Variants in MTTP observed in about 807,000 individuals in gnomAD.
MTTP encodes microsomal triglyceride transfer protein large subunit.
In MTTP, 49 loss-of-function variants were observed where a neutral mutation model predicts 90.6. The ratio of observed to expected loss-of-function variants is 0.54; its 90% CI spans 0.43 to 0.69. The LOEUF is 0.69. MTTP is among the 30% of genes least tolerant of loss of function. The probability of loss-of-function intolerance (pLI) is 0.00; values close to 1 mark genes in which losing one functional copy is unlikely to be tolerated. For missense variants in MTTP, 945 were observed against 1,067.5 expected (o/e 0.89, Z 1.60); for synonymous variants, 347 against 384.2 (o/e 0.90, Z 1.13).
Position 99,606,886 on chromosome 4 carries a change from G to A in MTTP, c.1483G>A (p.Ala495Thr). Reference protein sequence around the residue: ...GIPSLLKYAEAGEGPISHLAT... With the variant: ...GIPSLLKYAETGEGPISHLAT... ...CCCAAGTCTTCTGAAGTATGCAGAAGCAGGAGAAGGGCCCATCAGCCACCT... is the reference window on the plus strand; with the variant it reads ...CCCAAGTCTTCTGAAGTATGCAGAAACAGGAGAAGGGCCCATCAGCCACCT... Residue 495 changes from alanine (A) to threonine (T), a missense_variant, in exon 11 of 18, where the codon GCA (alanine) becomes ACA (threonine). Transcript: ENST00000265517. 6.2e-7 allele frequency: 1 copy of A among 1,613,974 alleles called. No individual in the cohort carries two copies. The highest frequency in any genetic ancestry group is 8.5e-7 in the Non-Finnish European group (1 of 1,179,976).
chr4:99,564,647 A>G (rs1342470372), intron 1 of MTTP, among the ~76,000 whole-genome samples: 1 of 152,216 alleles, frequency 6.6e-6, no homozygotes, highest in Non-Finnish European at 1.5e-5. Flanking sequence ...GAAATGAAAT[A>G]CAACCCCGTA....
rs746679400 is a variant in MTTP at position 99,591,737 on chromosome 4, A to T, written c.705A>T (p.Thr235=). ...SFVIAVLAEE[T]HNFGLNFLQT... ...TTATAGCTGTGCTTGCTGAAGAAAC[A>T]CACAATTTTGGACTGAATTTCCTAC... Residue 235 remains threonine, a synonymous_variant, in exon 6 of 18, where the codon ACA becomes ACT. Transcript: ENST00000265517. 8 of 1,613,314 alleles carry T rather than the reference A, an allele frequency of 5.0e-6. No homozygotes were observed. In the East Asian group the frequency reaches 1.8e-4, roughly 36 times the overall value.
At chr4:99,576,315 G>A (rs1425907293) in intron 1 of MTTP, among the ~76,000 whole-genome samples, 1 of 152,190 alleles carries the variant, frequency 6.6e-6, no homozygotes, top group East Asian at 1.9e-4. Context: ...AAAAATAATT[G>A]AGACATGGTA....
chr4:99,575,019 T>G (rs780303121), intron 1 of MTTP, 49 bp downstream of exon 1: 1 of 1,591,776 alleles, frequency 6.3e-7, no homozygotes, highest in Non-Finnish European at 8.6e-7. Context: ...TCTTTGGAGT[T>G]GGAGGCAGAT....
At chr4:99,622,004 C>A (rs1009760143) in intron 17 of MTTP, among the ~76,000 whole-genome samples, 1 of 152,046 alleles carries the variant, frequency 6.6e-6, no homozygotes, top group African/African-American at 2.4e-5. Context: ...AATTGAGCAC[C>A]TTCATTATTT....
At chr4:99,589,538 C>T in intron 3 of MTTP, 105 bp from the exon 4 acceptor site, 1 of 728,796 alleles carries the variant, frequency 1.4e-6, no homozygotes, top group South Asian at 1.5e-5. Flanking sequence ...TCTCTTTCTC[C>T]CAGGATTAAT....
chr4:99,564,506 CT>C (rs1560607797), intron 1 of MTTP: 3 of 388,480 alleles, frequency 7.7e-6, no homozygotes, highest in Admixed American at 4.2e-5. Flanking sequence ...ACAGCCATAG[CT>C]TTACTCTTTA....
At chr4:99,596,789 C>A (rs571541299) in intron 7 of MTTP, among the ~76,000 whole-genome samples, 2 of 152,188 alleles carry the variant, frequency 1.3e-5, no homozygotes, top group Admixed American at 1.3e-4. Flanking sequence ...CGTGAAATGA[C>A]CTATATACCC....
intron 12 of MTTP, 46 bp downstream of exon 12, chr4:99,609,023 T>C: frequency 6.6e-7 from 1 of 1,519,512 alleles, no homozygotes; most frequent in South Asian, 1.1e-5. Context: ...AGCTTATTTG[T>C]GTGTTCATGG....
intron 1 of MTTP, among the ~76,000 whole-genome samples, chr4:99,580,890 C>A (rs181029735): frequency 6.6e-6 from 1 of 152,140 alleles, no homozygotes; most frequent in African/African-American, 2.4e-5. Context: ...TTTGCTATCA[C>A]CTTTCTCAGC....
intron 1 of MTTP, among the ~76,000 whole-genome samples, chr4:99,566,270 C>T (rs1724694434): frequency 8.2e-6 from 1 of 121,570 alleles, no homozygotes; most frequent in African/African-American, 3.3e-5. Flanking sequence ...GCCTGGGTGA[C>T]AGAGTGATAC....
intron 3 of MTTP, chr4:99,583,765 A>T: frequency 1.7e-6 from 1 of 584,624 alleles, no homozygotes; most frequent in South Asian, 2.3e-5. Flanking sequence ...TGAAGTATTT[A>T]TTTATTGATG....
intron 3 of MTTP, among the ~76,000 whole-genome samples, chr4:99,584,474 T>A (rs1231626734): frequency 6.6e-6 from 1 of 152,144 alleles, no homozygotes; most frequent in East Asian, 1.9e-4. Context: ...ATTTCATATA[T>A]GTATATTGCT....
At chr4:99,605,996 C>T (rs1178823871) in intron 10 of MTTP, among the ~76,000 whole-genome samples, 1 of 151,958 alleles carries the variant, frequency 6.6e-6, no homozygotes, top group Non-Finnish European at 1.5e-5. Flanking sequence ...AATTTTTCAG[C>T]CTAGACTCTG....
At chr4:99,578,027 T>C (rs1365671916) in intron 1 of MTTP, among the ~76,000 whole-genome samples, 7 of 152,156 alleles carry the variant, frequency 4.6e-5, no homozygotes, top group Admixed American at 4.6e-4. Flanking sequence ...GTTGGGTTCA[T>C]AAATGCCATT....
intron 2 of MTTP, 84 bp from the exon 3 acceptor site, chr4:99,583,290 T>A: frequency 2.0e-6 from 3 of 1,476,570 alleles, no homozygotes; most frequent in Non-Finnish European, 2.8e-6. Flanking sequence ...TCTTTCTGTT[T>A]CTTTATCATT....
intron 3 of MTTP, among the ~76,000 whole-genome samples, chr4:99,585,983 T>A (rs941953230): frequency 6.6e-6 from 1 of 152,096 alleles, no homozygotes; most frequent in African/African-American, 2.4e-5. Flanking sequence ...ACAGGCAGAG[T>A]AAGGCTATGG....
At chr4:99,612,154 T>C (rs546077650) in intron 14 of MTTP, among the ~76,000 whole-genome samples, 75 of 152,348 alleles carry the variant, frequency 4.9e-4, no homozygotes, top group Admixed American at 1.3e-3. Context: ...AACTTGAGTC[T>C]TTATCAATCT....
At chr4:99,573,612 G>A (rs1021749175), upstream of MTTP, among the ~76,000 whole-genome samples, 3 of 152,074 alleles carry the variant, frequency 2.0e-5, no homozygotes, top group South Asian at 2.1e-4. Context: ...GAGGAAATAT[G>A]CTTAACTTTG....
Sources: gnomAD v4.1 joint callset for allele counts (sites outside exome capture counted in the v4.1 genomes callset) on GRCh38, gnomAD v4.1.1 for gene constraint, MANE v1.5 for transcripts, NCBI Gene and HGNC (gene_info 2026-07-23, HGNC 2026-07-21) for gene names.